SNTB2: variants seen among roughly 807,000 people sequenced by gnomAD.
SNTB2 encodes the protein syntrophin beta 2.
A neutral mutation model predicts 46.2 loss-of-function variants in SNTB2; 34 were observed. The observed-to-expected ratio is 0.74, with a 90% CI of 0.56 to 0.98. SNTB2 has a LOEUF of 0.98. Among genes scored for constraint, SNTB2 ranks in the 50% least tolerant of loss-of-function variants. SNTB2 has a pLI of 0.00. For missense variants in SNTB2, 603 were observed against 731.4 expected (o/e 0.82, Z 2.02); for synonymous variants, 290 against 312.6 (o/e 0.93, Z 0.76).
At chr16:69,236,026 G>A (rs1379504391) in intron 1 of SNTB2, among the ~76,000 whole-genome samples, 1 of 152,190 alleles carries the variant, frequency 6.6e-6, no homozygotes, top group Non-Finnish European at 1.5e-5. Context: ...TTGGACACAT[G>A]GAAGTGAAGA....
chr16:69,254,010 G>C (rs1964750367), intron 2 of SNTB2, among the ~76,000 whole-genome samples: 1 of 152,096 alleles, frequency 6.6e-6, no homozygotes, highest in Non-Finnish European at 1.5e-5. Flanking sequence ...TTCTGGTCAA[G>C]GTTTTGCAGC....
chr16:69,190,032 A>T (rs894077563), intron 1 of SNTB2, among the ~76,000 whole-genome samples: 1 of 152,356 alleles, frequency 6.6e-6, no homozygotes, highest in East Asian at 1.9e-4. Flanking sequence ...TTGCATTTTC[A>T]AGCCACTGGG....
chr16:69,243,920 CT>C (rs1964643079), intron 1 of SNTB2, among the ~76,000 whole-genome samples: 1 of 152,054 alleles, frequency 6.6e-6, no homozygotes, highest in Non-Finnish European at 1.5e-5. Flanking sequence ...TTCAGTAAAT[CT>C]TTTTTAATAA....
intron 5 of SNTB2, among the ~76,000 whole-genome samples, chr16:69,293,611 G>A (rs894515127): frequency 1.3e-5 from 2 of 152,304 alleles, no homozygotes; most frequent in East Asian, 1.9e-4. Context: ...GGAGGAGAGA[G>A]GGGGAGTGGT....
intron 5 of SNTB2, 91 bp from the exon 6 acceptor site, chr16:69,299,484 ATTCTCAAGAAAATAT>A: frequency 8.9e-7 from 1 of 1,129,536 alleles, no homozygotes; most frequent in South Asian, 1.5e-5. Flanking sequence ...GGTATCACAC[ATTCTCAAGAAAATAT>A]TTTTCCTATT....
intron 2 of SNTB2, among the ~76,000 whole-genome samples, chr16:69,258,605 CTTTTTTTTTTTTTT>C (rs67116274): frequency 1.2e-5 from 1 of 83,504 alleles, no homozygotes; most frequent in Admixed American, 1.5e-4. Context: ...CTTGTTCTTT[CTTTTTTTTTTTTTT>C]TTTTTTTTTT....
intron 3 of SNTB2, among the ~76,000 whole-genome samples, chr16:69,261,792 A>G (rs1964837139): frequency 6.6e-6 from 1 of 152,214 alleles, no homozygotes; most frequent in Admixed American, 6.5e-5. Flanking sequence ...CAAAAAATTA[A>G]TGGGTGAAAA....
intron 5 of SNTB2, among the ~76,000 whole-genome samples, chr16:69,285,223 G>A (rs1965090945): frequency 6.6e-6 from 1 of 152,134 alleles, no homozygotes; most frequent in Non-Finnish European, 1.5e-5. Flanking sequence ...AAATATGGCA[G>A]CTAAAAGTGA....
intron 5 of SNTB2, among the ~76,000 whole-genome samples, chr16:69,296,298 T>A (rs562375049): frequency 8.5e-5 from 13 of 152,200 alleles, no homozygotes; most frequent in African/African-American, 2.9e-4. Flanking sequence ...AAATTTTTTT[T>A]AAACTAAAAC....
chr16:69,240,580 C>T (rs1387286899), intron 1 of SNTB2: 1 of 152,196 alleles, frequency 6.6e-6, no homozygotes, highest in Non-Finnish European at 1.5e-5. Flanking sequence ...CCAGATATTC[C>T]ACTCTGAGAA....
At chr16:69,227,010 C>T (rs1964464964) in intron 1 of SNTB2, among the ~76,000 whole-genome samples, 1 of 152,082 alleles carries the variant, frequency 6.6e-6, no homozygotes, top group South Asian at 2.1e-4. Context: ...TATGTGACAA[C>T]CTTCAGTATA....
chr16:69,269,156 C>T lies in SNTB2; in HGVS notation c.1006-987C>T, dbSNP rs372173357. 7.3e-5 allele frequency among the ~76,000 whole-genome samples: 11 copies of T among 150,412 alleles called. No homozygotes were observed. The East Asian group carries it at 7.9e-4, about 11-fold the overall frequency. On this transcript the variant is annotated intron_variant, in intron 3 of 6. Transcript: ENST00000336278. Reference sequence around the variant, plus strand: ...TGCACTCCAGCCTGGGCAACAAGAGCGAAACTCCGTCTCAAAAAGAAGAAA... The same window carrying T: ...TGCACTCCAGCCTGGGCAACAAGAGTGAAACTCCGTCTCAAAAAGAAGAAA...
chr16:69,228,111 T>C (rs1443605898), intron 1 of SNTB2, among the ~76,000 whole-genome samples: 1 of 152,162 alleles, frequency 6.6e-6, no homozygotes, highest in Non-Finnish European at 1.5e-5. Context: ...GTTCAGTGCC[T>C]AATGTCTTTC....
intron 1 of SNTB2, among the ~76,000 whole-genome samples, chr16:69,237,353 G>A (rs1056941344): frequency 1.3e-5 from 2 of 152,106 alleles, no homozygotes; most frequent in Non-Finnish European, 2.9e-5. Context: ...ATTGAGAAAG[G>A]GCCTTTGGAT....
At chr16:69,198,779 A>G (rs1964131528) in intron 1 of SNTB2, among the ~76,000 whole-genome samples, 1 of 152,226 alleles carries the variant, frequency 6.6e-6, no homozygotes, top group African/African-American at 2.4e-5. Flanking sequence ...CCTATTAAAA[A>G]TAAGATCCCT....
intron 1 of SNTB2, among the ~76,000 whole-genome samples, chr16:69,198,903 T>G (rs1019934642): frequency 4.0e-5 from 6 of 151,172 alleles, no homozygotes; most frequent in East Asian, 1.9e-4. Flanking sequence ...AATGTTTTTT[T>G]TTTTTTTTTT....
intron 1 of SNTB2, among the ~76,000 whole-genome samples, chr16:69,234,769 C>A (rs1964541357): frequency 2.0e-5 from 3 of 148,852 alleles, no homozygotes; most frequent in African/African-American, 7.5e-5. Context: ...GTGGCATGAT[C>A]TTGTCTCACT....
At position 69,226,141 on chromosome 16, in the gene SNTB2, G is replaced by A. The variant is rs1262012659; in HGVS notation, c.581-19461G>A. On this transcript the variant is annotated intron_variant, in intron 1 of 6. Coordinates refer to ENST00000336278, the MANE Select transcript of SNTB2 (RefSeq NM_006750.4). ...GGCTGGAGTGCTATGGCGTGATCTC[G>A]GCTCACTGCAACCTCTGCTTCCTGG... Among the ~76,000 whole-genome samples, 34 of 152,040 alleles carry A rather than the reference G, an allele frequency of 2.2e-4. 1 individual carries two copies. Among genetic ancestry groups the A allele is most frequent in the Non-Finnish European group, 4.9e-4 (33 of 67,984 alleles).
At chr16:69,280,252 T>C (rs1325208860) in intron 4 of SNTB2, among the ~76,000 whole-genome samples, 1 of 152,246 alleles carries the variant, frequency 6.6e-6, no homozygotes, top group Non-Finnish European at 1.5e-5. Context: ...AAGTCTCCCC[T>C]GTCTACCTCT....
Sources: allele counts gnomAD v4.1 joint callset (sites outside exome capture counted in the v4.1 genomes callset), GRCh38; gene constraint gnomAD v4.1.1; transcripts MANE v1.5; gene names NCBI Gene and HGNC (gene_info 2026-07-23, HGNC 2026-07-21).